The following SIRT1 variants were observed in gnomAD, a reference collection of about 807,000 sequenced individuals.
The protein encoded by SIRT1 is sirtuin 1.
SIRT1 carries 24 observed loss-of-function variants against 67.9 expected under a neutral mutation model. That is an observed-to-expected ratio of 0.35 (90% CI 0.26 to 0.50). SIRT1 has a LOEUF of 0.50. SIRT1 is among the 20% of genes least tolerant of loss of function. SIRT1 has a pLI of 0.98. For missense variants in SIRT1, 873 were observed against 937.2 expected (o/e 0.93, Z 0.89); for synonymous variants, 378 against 350.7 (o/e 1.08, Z -0.87).
At position 67,884,690 on chromosome 10, in the gene SIRT1, C is replaced by G. The variant is rs199849139; in HGVS notation, c.-32C>G. On this transcript the variant is annotated 5_prime_UTR_variant, in exon 1 of 9. Transcript: ENST00000212015. ...GCGCGTCGAGCGGGAGCAGAGGAGG[C>G]GAGGGAGGAGGGCCAGAGAGGCAGT... 2.1e-5 allele frequency: 26 copies of G among 1,226,882 alleles called. No homozygotes were observed. Among genetic ancestry groups the G allele is most frequent in the Non-Finnish European group, 2.5e-5 (25 of 984,980 alleles). The allele number at this position is 1,226,882 out of a possible 1,614,324, so 76.0% of individuals were successfully genotyped here. A position where few individuals can be genotyped will look rare whatever the true frequency, so the allele number is the denominator to read the frequency against.
At chr10:67,888,032 A>T (rs976922340) in intron 2 of SIRT1, among the ~76,000 whole-genome samples, 1 of 152,230 alleles carries the variant, frequency 6.6e-6, no homozygotes, top group Non-Finnish European at 1.5e-5. Context: ...GGTCTAGAAT[A>T]TAAGTTCTAC....
chr10:67,916,401 T>C lies in SIRT1; in HGVS notation c.2052T>C (p.Ser684=). Residue 684 remains serine, a synonymous_variant, in exon 9 of 9, where the codon AGT becomes AGC. Coordinates refer to ENST00000212015, the MANE Select transcript of SIRT1 (RefSeq NM_012238.5). The stretch of plus-strand genomic sequence containing the variant: ...ATAGTGGGACATGCCAGAGTCCAAG[T>C]TTAGAAGAACCCATGGAGGATGAAA... The part of the protein sequence containing the change: ...NSDSGTCQSP[S]LEEPMEDESE... The C allele has an allele frequency of 6.2e-7, 1 of 1,614,160 alleles. No individual in the cohort carries two copies. Among genetic ancestry groups the C allele is most frequent in the South Asian group, 1.1e-5 (1 of 91,080 alleles).
At chr10:67,900,434 C>T (rs1187639392) in intron 4 of SIRT1, among the ~76,000 whole-genome samples, 1 of 151,996 alleles carries the variant, frequency 6.6e-6, no homozygotes, top group Non-Finnish European at 1.5e-5. Context: ...TGTGAGCCGC[C>T]GCGCTTGGCT....
intron 4 of SIRT1, among the ~76,000 whole-genome samples, chr10:67,893,697 G>A (rs928069296): frequency 2.6e-5 from 4 of 152,028 alleles, no homozygotes; most frequent in African/African-American, 9.7e-5. Context: ...GGCGCGTGCT[G>A]CCATGCCTGG....
In SIRT1 at chr10:67,912,475, T is replaced by C; in HGVS notation, c.1359T>C (p.Ser453=). Residue 453 remains serine, a splice_region_variant and synonymous_variant, in exon 8 of 9, where the codon AGT becomes AGC. Coordinates refer to ENST00000212015, the MANE Select transcript of SIRT1 (RefSeq NM_012238.5). ...LKVRPVALIP[S]SIPHEVPQIL... is the part of the protein sequence containing the mutation. The stretch of plus-strand genomic sequence containing the variant: ...CTCTTATTTTTCACCCTATTTTAGG[T>C]TCCATACCCCATGAAGTGCCTCAGA... 10 of 1,601,774 alleles carry C rather than the reference T, an allele frequency of 6.2e-6. No homozygotes were observed. Among genetic ancestry groups the C allele is most frequent in the Non-Finnish European group, 8.5e-6 (10 of 1,175,640 alleles).
intron 4 of SIRT1, among the ~76,000 whole-genome samples, chr10:67,904,608 G>C (rs1002966171): frequency 6.6e-6 from 1 of 152,098 alleles, no homozygotes; most frequent in Non-Finnish European, 1.5e-5. Context: ...CACTTTGTGA[G>C]ACCAAGGTGG....
intron 1 of SIRT1, among the ~76,000 whole-genome samples, chr10:67,886,549 C>T (rs1842483750): frequency 8.2e-6 from 1 of 122,034 alleles, no homozygotes; most frequent in African/African-American, 3.2e-5. Flanking sequence ...GAGTGAGACC[C>T]CGTCTCAAAA....
intron 2 of SIRT1, 36 bp from the exon 3 acceptor site, chr10:67,888,846 A>C (rs373356286): frequency 1.3e-6 from 2 of 1,557,590 alleles, no homozygotes; most frequent in Admixed American, 2.0e-5. Context: ...GAATTACTTG[A>C]TAAGTTGACT....
chr10:67,910,138 G>A (rs1842877739), intron 7 of SIRT1, among the ~76,000 whole-genome samples: 1 of 152,086 alleles, frequency 6.6e-6, no homozygotes, highest in African/African-American at 2.4e-5. Flanking sequence ...ACTTTGGGAG[G>A]CCGAGGTAGG....
chr10:67,905,627 T>C (rs1050445996), intron 4 of SIRT1, among the ~76,000 whole-genome samples: 3 of 152,230 alleles, frequency 2.0e-5, no homozygotes, highest in Non-Finnish European at 4.4e-5. Flanking sequence ...TAAACTTTTT[T>C]GTATAATGTC....
At chr10:67,889,704 G>A (rs1015137606) in intron 3 of SIRT1, among the ~76,000 whole-genome samples, 3 of 152,204 alleles carry the variant, frequency 2.0e-5, no homozygotes, top group African/African-American at 7.2e-5. Context: ...AGCAACTGCT[G>A]TAGTAAAATT....
At chr10:67,915,079 A>G (rs1029228418) in intron 8 of SIRT1, among the ~76,000 whole-genome samples, 3 of 151,924 alleles carry the variant, frequency 2.0e-5, no homozygotes, top group South Asian at 2.1e-4. Context: ...ATAGAGGGAA[A>G]TAAGTGGTTT....
At chr10:67,889,831 G>T (rs1202757814) in intron 3 of SIRT1, among the ~76,000 whole-genome samples, 1 of 152,058 alleles carries the variant, frequency 6.6e-6, no homozygotes, top group Non-Finnish European at 1.5e-5. Context: ...AACTTAAATT[G>T]ACCTTGACTC....
intron 4 of SIRT1, chr10:67,906,338 G>A: frequency 1.3e-6 from 2 of 1,518,510 alleles, no homozygotes; most frequent in Non-Finnish European, 1.8e-6. Context: ...ATATTCTAAT[G>A]AATGATAAAT....
intron 4 of SIRT1, chr10:67,906,071 TA>T: frequency 8.9e-7 from 1 of 1,120,658 alleles, no homozygotes; most frequent in Non-Finnish European, 1.1e-6. Context: ...TGGAATTTAA[TA>T]AAAACACTGT....
Position 67,895,733 on chromosome 10 carries a change from G to GTTTTTTTTTTTTTTTT in SIRT1, c.942+4193_942+4194insTTTTTTTTTTTTTTTT, listed in dbSNP as rs1297235964. Among the ~76,000 whole-genome samples, 13 of 42,738 alleles carry GTTTTTTTTTTTTTTTT rather than the reference G, an allele frequency of 3.0e-4. 3 individuals are homozygous for GTTTTTTTTTTTTTTTT. Among genetic ancestry groups the GTTTTTTTTTTTTTTTT allele is most frequent in the East Asian group, 1.6e-3 (2 of 1,236 alleles). 28.0% of individuals were successfully genotyped at this position (42,738 alleles called of 152,430 possible). On this transcript the variant is annotated intron_variant, in intron 4 of 8. Transcript: ENST00000212015. ...GTATGTGATTATTGAGAATTAACTT[G>GTTTTTTTTTTTTTTTT]TTTTTTTTTTTTTTGTTTTTTTTTT...
chr10:67,895,050 C>T (rs1842631312), intron 4 of SIRT1, among the ~76,000 whole-genome samples: 2 of 152,002 alleles, frequency 1.3e-5, no homozygotes, highest in Admixed American at 1.3e-4. Context: ...GTTAAATCAG[C>T]TAGGCTTTAC....
At chr10:67,909,179 G>T in intron 6 of SIRT1, 77 bp from the exon 7 acceptor site, 1 of 922,538 alleles carries the variant, frequency 1.1e-6, no homozygotes, top group Non-Finnish European at 1.6e-6. Context: ...ATTCTTAGAG[G>T]TATGGAAATG....
chr10:67,899,839 C>T (rs34097879), intron 4 of SIRT1, among the ~76,000 whole-genome samples: 11,420 of 151,978 alleles, frequency 0.075, 700 homozygotes, highest in East Asian at 0.3. Context: ...AAACCCAGCA[C>T]TTTGGGAGGC....
Sources: gnomAD v4.1 joint callset for allele counts (sites outside exome capture counted in the v4.1 genomes callset) on GRCh38, gnomAD v4.1.1 for gene constraint, MANE v1.5 for transcripts, NCBI Gene and HGNC (gene_info 2026-07-23, HGNC 2026-07-21) for gene names.